PHACTR2: variants seen among roughly 807,000 people sequenced by gnomAD.
PHACTR2 encodes phosphatase and actin regulator 2, also known as chromosome 6 open reading frame 56.
A neutral mutation model predicts 76.0 loss-of-function variants in PHACTR2; 30 were observed. The observed-to-expected ratio is 0.39, with a 90% CI of 0.30 to 0.54. The LOEUF (loss-of-function observed/expected upper bound fraction) is 0.54, where lower values mean the gene tolerates loss of function less well. Among genes scored for constraint, PHACTR2 ranks in the 20% least tolerant of loss-of-function variants. PHACTR2 has a pLI of 0.61. For missense variants in PHACTR2, 696 were observed against 781.1 expected, an observed-to-expected ratio of 0.89 and a Z score of 1.30; for synonymous variants, 292 against 292.5, an observed-to-expected ratio of 1.00 and a Z score of 0.02.
rs1459178064 is a variant in PHACTR2 at position 143,600,646 on chromosome 6, C to G, written c.217+63439C>G. On this transcript the variant is annotated intron_variant, in intron 1 of 11. Coordinates refer to the PHACTR2 transcript ENST00000367584. ...CCATCTCCTGGAATTTAGAAAGAGG[C>G]CTGTATCTCAATGCCTTTTACAGGC... is the stretch of plus-strand genomic sequence containing the variant. Among the ~76,000 whole-genome samples, 3 of 152,362 alleles carry G rather than the reference C, an allele frequency of 2.0e-5. No individual in the cohort carries two copies. The East Asian group carries it at 5.8e-4, about 29-fold the overall frequency.
chr6:143,769,873 G>A (rs1488710376), intron 6 of PHACTR2, among the ~76,000 whole-genome samples: 1 of 151,984 alleles, frequency 6.6e-6, no homozygotes, highest in Non-Finnish European at 1.5e-5. Context: ...CCCAGACTGT[G>A]GAAAATTTTT....
At chr6:143,552,388 G>T (rs984125720) in intron 1 of PHACTR2, among the ~76,000 whole-genome samples, 23 of 152,170 alleles carry the variant, frequency 1.5e-4, no homozygotes, top group African/African-American at 5.1e-4. Flanking sequence ...GTCACTGAGG[G>T]AGTAGGAGTT....
chr6:143,694,696 A>G (rs1221027468), intron 1 of PHACTR2, among the ~76,000 whole-genome samples: 1 of 152,232 alleles, frequency 6.6e-6, no homozygotes, highest in Admixed American at 6.5e-5. Context: ...GTGTTTAAAC[A>G]CCTGTCAAAG....
rs1471164091 is a variant in PHACTR2 at position 143,765,467 on chromosome 6, G to A, written c.901G>A (p.Asp301Asn). 8.1e-6 allele frequency: 13 copies of A among 1,614,130 alleles called. No individual in the cohort carries two copies. In the East Asian group the frequency reaches 8.9e-5, roughly 11 times the overall value. The change falls in exon 6 of 13, where the codon GAC becomes AAC. Residue 301 changes from aspartate to asparagine, a missense_variant. Coordinates refer to ENST00000440869, the MANE Select transcript of PHACTR2 (RefSeq NM_001100164.2). The surrounding 1 kb of genome is among the most constrained non-coding windows in gnomAD (Gnocchi z 4.1). ...SSDTTTSGTS[D>N]LKGEPAETRV... The stretch of plus-strand genomic sequence containing the variant: ...AGACACAACAACTTCTGGCACATCC[G>A]ACCTGAAAGGAGAGCCTGCAGAGAC...
At chr6:143,785,243 T>C (rs1775526566) in intron 10 of PHACTR2, among the ~76,000 whole-genome samples, 3 of 152,132 alleles carry the variant, frequency 2.0e-5, no homozygotes, top group African/African-American at 7.2e-5. Flanking sequence ...AAATGGGAGA[T>C]ATTGGCCAAA....
At position 143,622,012 on chromosome 6, in the gene PHACTR2, T is replaced by C. The variant is rs189035272; in HGVS notation, c.13+13690T>C. Among the ~76,000 whole-genome samples, 223 of 152,236 alleles carry C rather than the reference T, an allele frequency of 1.5e-3. 1 individual carries two copies. The highest frequency in any genetic ancestry group is 2.9e-3 in the Non-Finnish European group (196 of 68,010). ...GGAAACCAAATAATCAAGAGTGTTA[T>C]CCTTTTGTTCAAAATGATAGTACAC... On this transcript the variant is annotated intron_variant, in intron 1 of 11. Transcript: ENST00000305766.
intron 6 of PHACTR2, among the ~76,000 whole-genome samples, chr6:143,768,470 G>A (rs7754387): frequency 0.15 from 22,532 of 152,106 alleles, 2,099 homozygotes; most frequent in East Asian, 0.35. Flanking sequence ...TTGGGTATAC[G>A]GGATTATTGT....
rs192676659 is a variant in PHACTR2, at chr6:143,739,012, A to G, written c.215-9973A>G. On this transcript the variant is annotated intron_variant, in intron 2 of 12. Coordinates refer to ENST00000440869, the MANE Select transcript of PHACTR2 (RefSeq NM_001100164.2). The surrounding 1 kb of genome is among the most constrained non-coding windows in gnomAD (Gnocchi z 4.3). ...CAATGGCTATTGTTTATGATCTCTT[A>G]GTTTGAAAAGCTTCATTACCATTTA... Among the ~76,000 whole-genome samples the G allele has an allele frequency of 1.2e-4, 19 of 152,268 alleles. No individual in the cohort carries two copies. The highest frequency in any genetic ancestry group is 2.4e-4 in the Non-Finnish European group (16 of 68,022).
At chr6:143,779,418 C>T (rs112152360) in intron 9 of PHACTR2, among the ~76,000 whole-genome samples, 1,903 of 151,040 alleles carry the variant, frequency 0.013, 35 homozygotes, top group African/African-American at 0.038. Context: ...GGCACTATCT[C>T]GGCTCACTGC....
intron 1 of PHACTR2, among the ~76,000 whole-genome samples, chr6:143,538,913 T>C (rs1347743259): frequency 2.0e-5 from 3 of 152,226 alleles, no homozygotes; most frequent in Non-Finnish European, 2.9e-5. Flanking sequence ...TGAGTCCGAA[T>C]GTTTTTAACC....
chr6:143,783,004 C>CGTGTGTGTGTGT lies in PHACTR2; in HGVS notation c.1646-215_1646-214insGTGTGTGTGTGT. ...AAGCAAACCAGTCCTACAAAAAAAG[C>CGTGTGTGTGTGT]ATGTGTGTGTGTGTGTGTGTGTGTG... On this transcript the variant is annotated intron_variant, in intron 9 of 12. Coordinates refer to ENST00000440869, the MANE Select transcript of PHACTR2 (RefSeq NM_001100164.2). This position sits in a 1 kb window ranked among gnomAD's most constrained non-coding sequence, Gnocchi z 5.2. Among the ~76,000 whole-genome samples, 1 of 41,814 alleles carries CGTGTGTGTGTGT rather than the reference C, an allele frequency of 2.4e-5. No individual in the cohort carries two copies. Among genetic ancestry groups the CGTGTGTGTGTGT allele is most frequent in the South Asian group, 1.0e-3 (1 of 982 alleles). 27.4% of individuals were successfully genotyped at this position (41,814 alleles called of 152,430 possible). A position where few individuals can be genotyped will look rare whatever the true frequency, so the allele number is the denominator to read the frequency against.
intron 1 of PHACTR2, among the ~76,000 whole-genome samples, chr6:143,682,790 G>GT (rs71024869): frequency 0.28 from 41,776 of 148,762 alleles, 5,849 homozygotes; most frequent in Middle Eastern, 0.4. Flanking sequence ...TTTGTTTTTT[G>GT]TTTTTTTTTA....
intron 2 of PHACTR2, among the ~76,000 whole-genome samples, chr6:143,718,643 T>C (rs2128462626): frequency 6.6e-6 from 1 of 152,298 alleles, no homozygotes; most frequent in Non-Finnish European, 1.5e-5. Flanking sequence ...TGTAGAAAAA[T>C]GGTTGGCAAG....
chr6:143,571,770 C>T lies in PHACTR2; in HGVS notation c.217+34563C>T, dbSNP rs1775449023. Among the ~76,000 whole-genome samples the T allele has an allele frequency of 6.6e-6, 1 of 152,164 alleles. No homozygotes were observed. The highest frequency in any genetic ancestry group is 6.6e-5 in the Admixed American group (1 of 15,266). On this transcript the variant is annotated intron_variant, in intron 1 of 11. Transcript: ENST00000367584. This position sits in a 1 kb window ranked among gnomAD's most constrained non-coding sequence, Gnocchi z 4.6. ...TTACTTTCTGGGACCACAAGACGTT[C>T]CAGACTCATCTTGTGTTTTCTCTGT...
chr6:143,612,654 G>A (rs1262313852), intron 1 of PHACTR2, among the ~76,000 whole-genome samples: 3 of 152,100 alleles, frequency 2.0e-5, no homozygotes, highest in African/African-American at 4.8e-5. Context: ...GCATTTGCAT[G>A]TGTATTGTTA....
At chr6:143,810,800 C>G (rs988553247) in intron 12 of PHACTR2, among the ~76,000 whole-genome samples, 3 of 151,838 alleles carry the variant, frequency 2.0e-5, no homozygotes, top group Non-Finnish European at 4.4e-5. Flanking sequence ...CCACTGCACT[C>G]CAGCCTGGGT....
At chr6:143,657,612 T>G (rs1335170115) in intron 1 of PHACTR2, among the ~76,000 whole-genome samples, 1 of 151,960 alleles carries the variant, frequency 6.6e-6, no homozygotes, top group African/African-American at 2.4e-5. Context: ...GATAAAGGAG[T>G]TCTCTTAGAA....
chr6:143,809,981 C>T lies in PHACTR2; in HGVS notation c.1922+2848C>T, dbSNP rs1776143117. On this transcript the variant is annotated intron_variant, in intron 12 of 12. Transcript: ENST00000440869. This position sits in a 1 kb window ranked among gnomAD's most constrained non-coding sequence, Gnocchi z 4.2. The stretch of plus-strand genomic sequence containing the variant: ...CAAAAATTAGCTGAGCGTAGTGGCT[C>T]ACAGCTGTAGTCCCAGCTACTTGGT... Among the ~76,000 whole-genome samples, 1 of 151,948 alleles carries T rather than the reference C, an allele frequency of 6.6e-6. No homozygotes were observed. The highest frequency in any genetic ancestry group is 1.5e-5 in the Non-Finnish European group (1 of 68,002).
Position 143,647,770 on chromosome 6 carries a change from T to A in PHACTR2, c.13+39448T>A, listed in dbSNP as rs1414118742. On this transcript the variant is annotated intron_variant, in intron 1 of 11. Transcript: ENST00000305766. The surrounding 1 kb of genome is among the most constrained non-coding windows in gnomAD (Gnocchi z 4.2). Reference sequence around the variant, plus strand: ...ACAGCAAGTGCACAGCCCCCTGTGCTGGGAATAGGCTTGTGTCTGAGAACC... The same window carrying A: ...ACAGCAAGTGCACAGCCCCCTGTGCAGGGAATAGGCTTGTGTCTGAGAACC... Among the ~76,000 whole-genome samples, 4 of 151,988 alleles carry A rather than the reference T, an allele frequency of 2.6e-5. No homozygotes were observed. In the East Asian group the frequency reaches 7.7e-4, roughly 29 times the overall value.
Sources: gnomAD v4.1 joint callset for allele counts (sites outside exome capture counted in the v4.1 genomes callset) on GRCh38, gnomAD v4.1.1 for gene constraint, Gnocchi (gnomAD v3.1) non-coding constraint, MANE v1.5 for transcripts, NCBI Gene and HGNC (gene_info 2026-07-23, HGNC 2026-07-21) for gene names.